Variants in PCDHA8 observed in about 807,000 individuals in gnomAD.
PCDHA8 encodes the protein protocadherin alpha-8.
A neutral mutation model predicts 61.8 loss-of-function variants in PCDHA8; 53 were observed. The observed-to-expected ratio is 0.86, with a 90% CI of 0.69 to 1.08. The LOEUF (loss-of-function observed/expected upper bound fraction) is 1.08, where lower values mean the gene tolerates loss of function less well. Ranked by LOEUF, PCDHA8 falls within the 50% of genes least tolerant of loss-of-function variation. PCDHA8 has a pLI of 0.00. For missense variants in PCDHA8, 1,293 were observed against 1,245.0 expected, an observed-to-expected ratio of 1.04 and a Z score of -0.58; for synonymous variants, 618 against 556.6, an observed-to-expected ratio of 1.11 and a Z score of -1.55.
intron 1 of PCDHA8, among the ~76,000 whole-genome samples, chr5:140,974,524 T>C (rs976398044): frequency 5.9e-5 from 9 of 152,210 alleles, no homozygotes; most frequent in African/African-American, 9.7e-5. Flanking sequence ...TATTTTAGTT[T>C]TTTTGAGACG....
intron 1 of PCDHA8, among the ~76,000 whole-genome samples, chr5:140,976,550 C>CATAA (rs782672542): frequency 1.5e-4 from 23 of 152,064 alleles, no homozygotes; most frequent in African/African-American, 4.6e-4. Flanking sequence ...GACCCTATCT[C>CATAA]ATAAATAAAT....
In PCDHA8 at chr5:140,841,793, T is replaced by G. The variant is rs1777495976; in HGVS notation, c.472T>G (p.Ser158Ala). 6.2e-7 allele frequency: 1 copy of G among 1,613,848 alleles called. No homozygotes were observed. ...CTCTCGGTTTCCGCTAGAGGGCGCG[T>G]CCGATGCAGATGTTGGAGCTAACTC... ...PDSRFPLEGA[S>A]DADVGANSVL... Residue 158 changes from serine (S) to alanine (A), a missense_variant, in exon 1 of 4, where the codon TCC (serine) becomes GCC (alanine). Transcript: ENST00000531613.
intron 1 of PCDHA8, among the ~76,000 whole-genome samples, chr5:140,897,558 T>A (rs1413076305): frequency 3.3e-5 from 5 of 152,186 alleles, no homozygotes; most frequent in African/African-American, 1.2e-4. Context: ...ATGGTGTATA[T>A]GTGCCACATT....
rs34213614 is a variant in PCDHA8 at position 140,896,536 on chromosome 5, C to CTT, written c.2394+52832_2394+52833dup. ...CACACCACAAAGCCCAGCTATTTTT[C>CTT]TTTTTTTTTTTTGTATTTTAAGTAG... On this transcript the variant is annotated intron_variant, in intron 1 of 3. Coordinates refer to ENST00000531613, the MANE Select transcript of PCDHA8 (RefSeq NM_018911.3). 2.9e-3 allele frequency among the ~76,000 whole-genome samples: 427 copies of CTT among 145,644 alleles called. 4 individuals are homozygous for CTT. Among genetic ancestry groups the CTT allele is most frequent in the African/African-American group, 7.7e-3 (305 of 39,602 alleles).
chr5:140,963,838 T>C (rs1414191733), intron 1 of PCDHA8, among the ~76,000 whole-genome samples: 3 of 152,254 alleles, frequency 2.0e-5, no homozygotes, highest in Admixed American at 1.3e-4. Context: ...CATTTTCTCA[T>C]GTAATCATAA....
chr5:140,846,374 T>C (rs1024304715), intron 1 of PCDHA8, among the ~76,000 whole-genome samples: 1 of 30,854 alleles, frequency 3.2e-5, no homozygotes, highest in African/African-American at 1.1e-4. Context: ...TCTTTCTTTC[T>C]TTTTTTTTTT....
intron 1 of PCDHA8, chr5:140,868,350 A>G (rs962248912): frequency 6.6e-6 from 1 of 152,186 alleles, no homozygotes; most frequent in East Asian, 1.9e-4. Flanking sequence ...ATAATCAGAA[A>G]GCAATTAAAT....
Position 140,848,663 on chromosome 5 carries a change from G to A in PCDHA8, c.2394+4948G>A, listed in dbSNP as rs2150416390. ...TCGCGCAGGACCTGGGGCTGGAGCT[G>A]GCGGAGCTGGTGCCGCGCCTGTTCC... On this transcript the variant is annotated intron_variant, in intron 1 of 3. Transcript: ENST00000531613. 3.8e-6 allele frequency: 6 copies of A among 1,592,360 alleles called. No homozygotes were observed. In the Admixed American group the frequency reaches 5.1e-5, roughly 13 times the overall value.
chr5:140,883,569 C>T (rs781786717), intron 1 of PCDHA8: 3 of 1,614,134 alleles, frequency 1.9e-6, no homozygotes, highest in Non-Finnish European at 2.5e-6. Flanking sequence ...GGCTCGCCTT[C>T]GCTGTGGGCC....
intron 1 of PCDHA8, among the ~76,000 whole-genome samples, chr5:140,894,679 C>A (rs1227870690): frequency 6.6e-6 from 1 of 151,682 alleles, no homozygotes; most frequent in African/African-American, 2.4e-5. Context: ...TCTTGCATAG[C>A]TTTTCATTAT....
chr5:141,010,618 G>T lies in PCDHA8; in HGVS notation c.*681G>T. The T allele has an allele frequency of 5.2e-6, 1 of 191,706 alleles. No individual in the cohort carries two copies. The highest frequency in any genetic ancestry group is 1.1e-5 in the Non-Finnish European group (1 of 92,168). 11.9% of individuals were successfully genotyped at this position (191,706 alleles called of 1,614,324 possible). ...TGTGACGTCATTATACCTAAAATCT[G>T]CATCATACCTGCAAGCCAACAGTTC... is the stretch of plus-strand genomic sequence containing the variant. On this transcript the variant is annotated 3_prime_UTR_variant, in exon 4 of 4. Coordinates refer to ENST00000531613, the MANE Select transcript of PCDHA8 (RefSeq NM_018911.3).
chr5:140,977,245 AC>A (rs2096751811), intron 1 of PCDHA8, among the ~76,000 whole-genome samples: 1 of 152,212 alleles, frequency 6.6e-6, no homozygotes, highest in Non-Finnish European at 1.5e-5. Context: ...AAAATTGGCA[AC>A]ATTTCTCAGC....
intron 1 of PCDHA8, chr5:140,929,415 C>A: frequency 6.6e-7 from 1 of 1,504,268 alleles, no homozygotes; most frequent in Non-Finnish European, 8.9e-7. Context: ...CCTTTCACAA[C>A]ATTTCATCAA....
intron 1 of PCDHA8, among the ~76,000 whole-genome samples, chr5:140,878,595 A>G (rs1413193453): frequency 6.6e-6 from 1 of 152,192 alleles, no homozygotes; most frequent in East Asian, 1.9e-4. Flanking sequence ...CCTATTACCA[A>G]GTGAATCTTC....
chr5:140,875,749 G>A (rs782793601), intron 1 of PCDHA8: 3 of 1,614,264 alleles, frequency 1.9e-6, no homozygotes, highest in African/African-American at 1.3e-5. Flanking sequence ...GATCGACCGC[G>A]AGAAGCTGTG....
At position 140,913,249 on chromosome 5, in the gene PCDHA8, A is replaced by G. The variant is rs1389386272; in HGVS notation, c.2395-65700A>G. ...CTTTGCTGGGAGACTTTTTGTTACA[A>G]CTTTGATCTAATTACTTGTTATTGG... On this transcript the variant is annotated intron_variant, in intron 1 of 3. Transcript: ENST00000531613. Among the ~76,000 whole-genome samples the G allele has an allele frequency of 4.6e-5, 7 of 152,262 alleles. No individual in the cohort carries two copies. The East Asian group carries it at 9.6e-4, about 21-fold the overall frequency.
intron 1 of PCDHA8, chr5:140,967,797 C>T: frequency 6.2e-7 from 1 of 1,614,184 alleles, no homozygotes; most frequent in East Asian, 2.2e-5. Flanking sequence ...GGTCCAGTGC[C>T]CATGGCAGGT....
At chr5:140,896,823 T>C (rs1248229696) in intron 1 of PCDHA8, among the ~76,000 whole-genome samples, 1 of 152,230 alleles carries the variant, frequency 6.6e-6, no homozygotes, top group Non-Finnish European at 1.5e-5. Context: ...ACTCTGTTCA[T>C]AGTTGTTTTT....
At chr5:140,919,653 C>T (rs917457975) in intron 1 of PCDHA8, among the ~76,000 whole-genome samples, 1 of 152,158 alleles carries the variant, frequency 6.6e-6, no homozygotes, top group South Asian at 2.1e-4. Context: ...CTAGAGTTTA[C>T]CATATATATT....
Sources: gnomAD v4.1 joint callset for allele counts (sites outside exome capture counted in the v4.1 genomes callset) on GRCh38, gnomAD v4.1.1 for gene constraint, MANE v1.5 for transcripts, NCBI Gene and HGNC (gene_info 2026-07-23, HGNC 2026-07-21) for gene names.